PDYN: variants seen among roughly 807,000 people sequenced by gnomAD.
The protein encoded by PDYN is prodynorphin.
A neutral mutation model predicts 11.4 loss-of-function variants in PDYN; 5 were observed. The observed-to-expected ratio is 0.44, with a 90% confidence interval of 0.23 to 0.92. PDYN has a LOEUF of 0.92. Among genes scored for constraint, PDYN ranks in the 40% least tolerant of loss-of-function variants. The pLI, the probability that PDYN is intolerant of heterozygous loss-of-function variation, is 0.24. For synonymous variants in PDYN, 132 were observed against 129.5 expected (o/e 1.02, Z -0.13); for missense variants, 337 against 317.3 (o/e 1.06, Z -0.47).
chr20:1,980,627 C>T lies in PDYN; in HGVS notation c.461G>A (p.Gly154Asp), dbSNP rs1313234074. ...ELMRDAQLND[G>D]AMETGTLYLA... Reference sequence around the variant, plus strand: ...ATAGAGTGTGCCAGTCTCCATGGCACCATCGTTCAGCTGGGCATCCCTCAT... The same window carrying T: ...ATAGAGTGTGCCAGTCTCCATGGCATCATCGTTCAGCTGGGCATCCCTCAT... The change falls in exon 4 of 4, where the codon GGT (glycine) becomes GAT (aspartate). Residue 154 changes from glycine to aspartate, a missense_variant. Gly to Asp is a moderately conservative substitution (Grantham distance 94). Transcript: ENST00000217305. The T allele has an allele frequency of 1.2e-6, 2 of 1,614,180 alleles. No homozygotes were observed. Among genetic ancestry groups the T allele is most frequent in the Non-Finnish European group, 1.7e-6 (2 of 1,180,024 alleles).
In PDYN at chr20:1,980,574, C is replaced by T; in HGVS notation, c.514G>A (p.Val172Ile). ...YLAEEDPKEQ[V>I]KRYGGFLRKY... ...CGCAAAAAGCCCCCATAGCGTTTGA[C>T]CTGCTCCTTGGGGTCCTCCTCAGCG... The change falls in exon 4 of 4, where the codon GTC (valine) becomes ATC (isoleucine). Residue 172 changes from valine (V) to isoleucine (I), a missense_variant. Physicochemically the swap from Val to Ile is conservative, Grantham distance 29 (BLOSUM62 3). Coordinates refer to ENST00000217305, the MANE Select transcript of PDYN (RefSeq NM_024411.5). 1 of 1,614,152 alleles carries T rather than the reference C, an allele frequency of 6.2e-7. No homozygotes were observed. The highest frequency in any genetic ancestry group is 8.5e-7 in the Non-Finnish European group (1 of 1,180,022).
At chr20:1,985,053 C>T (rs1215014943) in intron 2 of PDYN, among the ~76,000 whole-genome samples, 7 of 152,148 alleles carry the variant, frequency 4.6e-5, no homozygotes, top group Non-Finnish European at 1.0e-4. Context: ...CTTCATGCTT[C>T]GCCCAGCATG....
rs1987631552 is a variant in PDYN, at chr20:1,980,085, G to C, written c.*238C>G. 1 of 583,306 alleles carries C rather than the reference G, an allele frequency of 1.7e-6. No individual in the cohort carries two copies. Among genetic ancestry groups the C allele is most frequent in the African/African-American group, 1.9e-5 (1 of 53,560 alleles). The allele number at this position is 583,306 out of a possible 1,614,324, so 36.1% of individuals were successfully genotyped here. A position where few individuals can be genotyped will look rare whatever the true frequency, so the allele number is the denominator to read the frequency against. The stretch of plus-strand genomic sequence containing the variant: ...CCGCTGCTGATAGTTTTAGAGTCTA[G>C]GTGTCTGAGCCAAGCACTAAGCCTA... On this transcript the variant is annotated 3_prime_UTR_variant, in exon 4 of 4. Coordinates refer to ENST00000217305, the MANE Select transcript of PDYN (RefSeq NM_024411.5).
chr20:1,983,483 C>T (rs569189798), intron 2 of PDYN, among the ~76,000 whole-genome samples: 1 of 152,348 alleles, frequency 6.6e-6, no homozygotes, highest in African/African-American at 2.4e-5. Flanking sequence ...GACTTCAAAA[C>T]CCACTTTGGC....
intron 2 of PDYN, among the ~76,000 whole-genome samples, chr20:1,988,852 T>A (rs1289994079): frequency 6.6e-6 from 1 of 152,214 alleles, no homozygotes; most frequent in Non-Finnish European, 1.5e-5. Flanking sequence ...AGCCAATTCC[T>A]TACGTCAATC....
At chr20:1,986,107 A>G (rs572579237) in intron 2 of PDYN, among the ~76,000 whole-genome samples, 1 of 152,342 alleles carries the variant, frequency 6.6e-6, no homozygotes, top group South Asian at 2.1e-4. Flanking sequence ...AGTACTCACG[A>G]TGTTCTGAGC....
intron 2 of PDYN, among the ~76,000 whole-genome samples, chr20:1,989,110 T>G (rs2122383799): frequency 6.6e-6 from 1 of 152,354 alleles, no homozygotes; most frequent in Non-Finnish European, 1.5e-5. Flanking sequence ...TTCTAATAGT[T>G]TTTAAGCTAA....
At position 1,980,904 on chromosome 20, in the gene PDYN, A is replaced by G. The variant is rs1987730585; in HGVS notation, c.184T>C (p.Cys62Arg). The G allele has an allele frequency of 3.7e-6, 6 of 1,614,116 alleles. No homozygotes were observed. Among genetic ancestry groups the G allele is most frequent in the Non-Finnish European group, 5.1e-6 (6 of 1,180,056 alleles). Residue 62 changes from cysteine to arginine, a missense_variant, in exon 4 of 4, where the codon TGC (cysteine) becomes CGC (arginine). Transcript: ENST00000217305. ...ALLPSEEWERCQSFLSFFTPS... is the reference protein window; with the variant it reads ...ALLPSEEWERRQSFLSFFTPS... Reference sequence around the variant, plus strand: ...GTGAAAAAAGACAGAAAGCTCTGGCATCTCTCCCATTCCTCAGAGGGCAGC... The same window carrying G: ...GTGAAAAAAGACAGAAAGCTCTGGCGTCTCTCCCATTCCTCAGAGGGCAGC...
intron 3 of PDYN, 128 bp downstream of exon 3, chr20:1,982,828 C>T: frequency 1.0e-6 from 1 of 993,866 alleles, no homozygotes; most frequent in Non-Finnish European, 1.6e-6. Context: ...AGGACACCCA[C>T]CACCCTGCAC....
chr20:1,985,232 C>T (rs929192070), intron 2 of PDYN, among the ~76,000 whole-genome samples: 4 of 152,146 alleles, frequency 2.6e-5, no homozygotes, highest in Admixed American at 6.6e-5. Flanking sequence ...AGGGTCTCCC[C>T]GTTAAAGCAT....
chr20:1,983,242 A>G, intron 2 of PDYN, 139 bp from the exon 3 acceptor site: 1 of 802,966 alleles, frequency 1.2e-6, no homozygotes, highest in Non-Finnish European at 1.9e-6. Context: ...TCAAGAAAAC[A>G]GAGGCCCAGG....
At chr20:1,987,272 A>C (rs1988230766) in intron 2 of PDYN, among the ~76,000 whole-genome samples, 1 of 150,398 alleles carries the variant, frequency 6.6e-6, no homozygotes, top group Non-Finnish European at 1.5e-5. Flanking sequence ...TGAATGAATG[A>C]ATGAATGGTG....
chr20:1,983,071 C>T lies in PDYN; in HGVS notation c.14G>A (p.Gly5Glu), dbSNP rs1325399415. Residue 5 changes from glycine to glutamate, a missense_variant, in exon 3 of 4, where the codon GGG (glycine) becomes GAG (glutamate). Physicochemically the swap from Gly to Glu is moderately conservative, Grantham distance 98. Transcript: ENST00000217305. MAWQ[G>E]LVLAACLLMF... ...GAGGAGGCAGGCAGCCAGGACCAGC[C>T]CCTGCCAGGCCATCCTGTCTCAGCA... 6.2e-7 allele frequency: 1 copy of T among 1,613,588 alleles called. No individual in the cohort carries two copies.
rs1987618195 is a variant in PDYN at position 1,979,972 on chromosome 20, G to T, written c.*351C>A. 2.6e-6 allele frequency: 1 copy of T among 380,852 alleles called. No individual in the cohort carries two copies. The highest frequency in any genetic ancestry group is 3.9e-5 in the Admixed American group (1 of 25,622). The allele number at this position is 380,852 out of a possible 1,614,324, so 23.6% of individuals were successfully genotyped here. ...GACATCATAGACCTACAGGTACAAA[G>T]AACACATCGCTCTGGTTCCCTGGAA... On this transcript the variant is annotated 3_prime_UTR_variant, in exon 4 of 4. Coordinates refer to ENST00000217305, the MANE Select transcript of PDYN (RefSeq NM_024411.5).
chr20:1,983,212 T>C lies in PDYN; in HGVS notation c.-19-109A>G, dbSNP rs77349591. Reference sequence around the variant, plus strand: ...CTCCTGCCCACAGCACTGCAAAGCATTCTGATTCCCATTCTACAGTCAAGA... The same window carrying C: ...CTCCTGCCCACAGCACTGCAAAGCACTCTGATTCCCATTCTACAGTCAAGA... On this transcript the variant is annotated intron_variant, in intron 2 of 3. Transcript: ENST00000217305. 2,308 of 944,998 alleles carry C rather than the reference T, an allele frequency of 2.4e-3. 27 individuals are homozygous for C. In the African/African-American group the frequency reaches 0.034, roughly 14 times the overall value. 58.5% of individuals were successfully genotyped at this position (944,998 alleles called of 1,614,324 possible).
intron 3 of PDYN, among the ~76,000 whole-genome samples, chr20:1,982,517 G>A (rs1987884603): frequency 6.6e-6 from 1 of 152,182 alleles, no homozygotes; most frequent in African/African-American, 2.4e-5. Flanking sequence ...AGGCCCAGGA[G>A]AGGGTCAAAG....
chr20:1,986,531 C>G (rs1988192453), intron 2 of PDYN, among the ~76,000 whole-genome samples: 1 of 152,232 alleles, frequency 6.6e-6, no homozygotes. Flanking sequence ...CCCGGGCTCT[C>G]CTAATACCAA....
chr20:1,984,140 G>A (rs1448954312), intron 2 of PDYN, among the ~76,000 whole-genome samples: 2 of 152,122 alleles, frequency 1.3e-5, no homozygotes, highest in African/African-American at 4.8e-5. Flanking sequence ...TCAGGATTTG[G>A]TTCCACGTCT....
At chr20:1,982,149 C>T (rs1048681421) in intron 3 of PDYN, among the ~76,000 whole-genome samples, 2 of 151,524 alleles carry the variant, frequency 1.3e-5, no homozygotes, top group South Asian at 2.1e-4. Context: ...CCCAGCCACT[C>T]GGGAGGCTGA....
Sources: gnomAD v4.1 joint callset for allele counts (sites outside exome capture counted in the v4.1 genomes callset) on GRCh38, gnomAD v4.1.1 for gene constraint, MANE v1.5 for transcripts, NCBI Gene and HGNC (gene_info 2026-07-23, HGNC 2026-07-21) for gene names.